The following NUP205 variants were observed in gnomAD, a reference collection of about 807,000 sequenced individuals.
NUP205 encodes nucleoporin 205.
In NUP205, 76 loss-of-function variants were observed where a neutral mutation model predicts 253.8. The ratio of observed to expected loss-of-function variants is 0.30; its 90% CI spans 0.25 to 0.36. NUP205 has a LOEUF of 0.36. NUP205 is among the 10% of genes least tolerant of loss of function. The probability of loss-of-function intolerance (pLI) is 1.00; values close to 1 mark genes in which losing one functional copy is unlikely to be tolerated. For missense variants in NUP205, 2,162 were observed against 2,425.5 expected (o/e 0.89, Z 2.28); for synonymous variants, 832 against 850.1 (o/e 0.98, Z 0.37).
At chr7:135,622,578 A>C (rs1794496865) in intron 30 of NUP205, among the ~76,000 whole-genome samples, 199 bp from the exon 31 acceptor site, 1 of 152,082 alleles carries the variant, frequency 6.6e-6, no homozygotes, top group Admixed American at 6.5e-5. Context: ...CATGCATGAA[A>C]TAGGTGCATT....
intron 35 of NUP205, among the ~76,000 whole-genome samples, chr7:135,631,199 T>G (rs1014669988): frequency 2.0e-5 from 3 of 152,204 alleles, no homozygotes; most frequent in African/African-American, 4.8e-5. Context: ...ATGAATTTAT[T>G]TATTTTTTTA....
At position 135,630,372 on chromosome 7, in the gene NUP205, A is replaced by G. The variant is rs780609588; in HGVS notation, c.4961A>G (p.Asp1654Gly). The change falls in exon 35 of 43, where the codon GAT (aspartate) becomes GGT (glycine). Residue 1654 changes from aspartate to glycine, a missense_variant. Asp to Gly is a moderately conservative substitution (Grantham distance 94). This residue lies in a region of NUP205 where 1,144 missense variants were observed against 1,280.9 expected (regional missense o/e 0.89). Transcript: ENST00000285968. ...TTGCAGTTTCTTATTTCACATTCTG[A>G]TACCATACAAGCAATTCTGCGCTGT... ...QVLQFLISHSDTIQAILRCQD... is the reference protein window; with the variant it reads ...QVLQFLISHSGTIQAILRCQD... 2 of 1,603,146 alleles carry G rather than the reference A, an allele frequency of 1.2e-6. No homozygotes were observed. The highest frequency in any genetic ancestry group is 1.7e-5 in the Admixed American group (1 of 57,990).
intron 5 of NUP205, among the ~76,000 whole-genome samples, chr7:135,577,420 C>CTG (rs1806181219): frequency 2.0e-5 from 3 of 152,118 alleles, no homozygotes; most frequent in Non-Finnish European, 4.4e-5. Flanking sequence ...TCAAAATTCA[C>CTG]TGTACTACTG....
chr7:135,607,987 A>G (rs1472206345), intron 22 of NUP205, among the ~76,000 whole-genome samples: 4 of 146,496 alleles, frequency 2.7e-5, no homozygotes, highest in Non-Finnish European at 6.0e-5. Flanking sequence ...GTTTTAGTAG[A>G]GATGGTGTTT....
intron 36 of NUP205, among the ~76,000 whole-genome samples, chr7:135,636,028 C>T (rs905501132): frequency 4.0e-5 from 6 of 150,998 alleles, no homozygotes; most frequent in African/African-American, 1.2e-4. Context: ...GAATAAGCCA[C>T]GAGCAGACTG....
chr7:135,625,038 G>A, intron 31 of NUP205, 126 bp from the exon 32 acceptor site: 1 of 786,316 alleles, frequency 1.3e-6, no homozygotes, highest in Non-Finnish European at 2.0e-6. Flanking sequence ...AAATTTTGTT[G>A]CAAGTAACAT....
intron 1 of NUP205, among the ~76,000 whole-genome samples, chr7:135,570,620 TACA>T (rs1031403420): frequency 2.8e-5 from 4 of 140,634 alleles, no homozygotes; most frequent in Non-Finnish European, 6.1e-5. Flanking sequence ...CTTAATCAGT[TACA>T]ACATTGATAT....
chr7:135,620,538 C>T (rs1794452973), intron 30 of NUP205, among the ~76,000 whole-genome samples: 1 of 152,154 alleles, frequency 6.6e-6, no homozygotes, highest in Non-Finnish European at 1.5e-5. Context: ...AAAAGAAACA[C>T]AAAAGTCTTT....
At chr7:135,647,915 TC>T (rs1408295729) in intron 42 of NUP205, among the ~76,000 whole-genome samples, 1 of 152,200 alleles carries the variant, frequency 6.6e-6, no homozygotes, top group Non-Finnish European at 1.5e-5. Context: ...AACAGGTGTA[TC>T]CCCACATTAA....
At chr7:135,641,544 A>G (rs1794914886) in intron 38 of NUP205, among the ~76,000 whole-genome samples, 1 of 151,350 alleles carries the variant, frequency 6.6e-6, no homozygotes, top group African/African-American at 2.4e-5. Flanking sequence ...CTAAGGCAGT[A>G]CGTTGCTTGA....
intron 19 of NUP205, among the ~76,000 whole-genome samples, chr7:135,605,246 A>C (rs1794062407): frequency 6.6e-6 from 1 of 152,058 alleles, no homozygotes; most frequent in African/African-American, 2.4e-5. Context: ...CGAATTCTAG[A>C]GCTCAAGCAG....
chr7:135,578,746 T>C lies in NUP205; in HGVS notation c.878-5T>C. 1.3e-6 allele frequency: 2 copies of C among 1,586,214 alleles called. No individual in the cohort carries two copies. Among genetic ancestry groups the C allele is most frequent in the Non-Finnish European group, 1.7e-6 (2 of 1,166,390 alleles). ...CGGTAAAGTGGTCTATTTTTGTGTT[T>C]TCAGATATGATTCATCAACTTCCAC... On this transcript the variant is annotated splice_region_variant and splice_polypyrimidine_tract_variant and intron_variant, in intron 6 of 42. Transcript: ENST00000285968.
chr7:135,586,121 T>G (rs888511985), intron 8 of NUP205, among the ~76,000 whole-genome samples: 9 of 134,554 alleles, frequency 6.7e-5, no homozygotes, highest in African/African-American at 2.1e-4. Flanking sequence ...ACCACCTATT[T>G]CAAATGTACA....
chr7:135,597,845 CT>C, intron 14 of NUP205, 152 bp from the exon 15 acceptor site: 2 of 650,634 alleles, frequency 3.1e-6, no homozygotes, highest in East Asian at 5.5e-5. Flanking sequence ...TCATATAATA[CT>C]TTTTTATCTT....
chr7:135,575,341 A>G (rs1282757642), intron 3 of NUP205, among the ~76,000 whole-genome samples: 1 of 152,144 alleles, frequency 6.6e-6, no homozygotes, highest in African/African-American at 2.4e-5. Context: ...ATTTGGGAGG[A>G]TGAAGGGCAT....
At chr7:135,572,942 C>CTTTTTTTTT (rs1186445399) in intron 2 of NUP205, among the ~76,000 whole-genome samples, 1 of 137,506 alleles carries the variant, frequency 7.3e-6, no homozygotes, top group Non-Finnish European at 1.6e-5. Context: ...TGCTTTTTAG[C>CTTTTTTTTT]TTTTTTTTTT....
intron 1 of NUP205, among the ~76,000 whole-genome samples, chr7:135,558,373 G>C (rs1446610498): frequency 6.6e-6 from 1 of 152,216 alleles, no homozygotes; most frequent in Non-Finnish European, 1.5e-5. Context: ...GAGGCTGAAA[G>C]TAGGCGTCGG....
intron 35 of NUP205, among the ~76,000 whole-genome samples, chr7:135,633,112 C>T (rs1794745981): frequency 6.6e-6 from 1 of 152,004 alleles, no homozygotes; most frequent in South Asian, 2.1e-4. Flanking sequence ...ACTACAGGCA[C>T]ATGCTGTCAC....
At chr7:135,590,473 T>C (rs1044353852) in intron 10 of NUP205, among the ~76,000 whole-genome samples, 1 of 152,154 alleles carries the variant, frequency 6.6e-6, no homozygotes, top group Non-Finnish European at 1.5e-5. Context: ...ATACATGAAT[T>C]CTATCCCTTA....
Sources: gnomAD v4.1 joint callset for allele counts (sites outside exome capture counted in the v4.1 genomes callset) on GRCh38, gnomAD v4.1.1 for gene constraint, gnomAD v4.1.1 regional missense constraint, MANE v1.5 for transcripts, NCBI Gene and HGNC (gene_info 2026-07-23, HGNC 2026-07-21) for gene names.